The following IQANK1 variants were observed in gnomAD, a reference collection of about 807,000 sequenced individuals.
IQANK1 encodes IQ motif and ankyrin repeat domain-containing protein 1.
Under a neutral mutation model 22.6 loss-of-function variants are expected in IQANK1, and 30 were observed. That is an observed-to-expected ratio of 1.33 (90% confidence interval 0.99 to 1.80). The LOEUF (loss-of-function observed/expected upper bound fraction) is 1.80, where lower values mean the gene tolerates loss of function less well. IQANK1 is among the 40% of genes most tolerant of loss of function. The pLI is 0.00. For synonymous variants in IQANK1, 122 were observed against 99.6 expected (o/e 1.23, Z -1.34); for missense variants, 275 against 235.2 (o/e 1.17, Z -1.11).
intron 7 of IQANK1, among the ~76,000 whole-genome samples, chr8:143,778,120 A>G (rs941043980): frequency 1.2e-4 from 19 of 152,104 alleles, no homozygotes; most frequent in South Asian, 4.2e-4. Flanking sequence ...GCGTGAACCC[A>G]GGAGGCGGAG....
chr8:143,769,475 G>A (rs1217867944), intron 3 of IQANK1, among the ~76,000 whole-genome samples: 2 of 152,274 alleles, frequency 1.3e-5, no homozygotes. Flanking sequence ...GGGATTACAA[G>A]GCCACTGCGC....
intron 7 of IQANK1, among the ~76,000 whole-genome samples, chr8:143,775,824 C>CACACACACA (rs1554630342): frequency 2.1e-5 from 2 of 93,230 alleles, no homozygotes; most frequent in Non-Finnish European, 3.7e-5. Context: ...ACACACACAC[C>CACACACACA]ATTCCTAAAC....
chr8:143,751,664 G>GTGTGTGTGTGTATATATATATATATATA (rs370428606), intron 3 of IQANK1, among the ~76,000 whole-genome samples: 1 of 61,548 alleles, frequency 1.6e-5, no homozygotes, highest in Non-Finnish European at 3.7e-5. Flanking sequence ...GTGTGTGTGT[G>GTGTGTGTGTGTATATATATATATATATA]TATATATATA....
At chr8:143,785,650 C>T (rs1457882861) in intron 7 of IQANK1, among the ~76,000 whole-genome samples, 1 of 152,040 alleles carries the variant, frequency 6.6e-6, no homozygotes, top group African/African-American at 2.4e-5. Context: ...GCCTTGACCC[C>T]CTGGGTTCAA....
At chr8:143,769,451 C>A (rs1258536585) in intron 3 of IQANK1, among the ~76,000 whole-genome samples, 1 of 152,182 alleles carries the variant, frequency 6.6e-6, no homozygotes, top group African/African-American at 2.4e-5. Flanking sequence ...CCCATCTCAG[C>A]CTCCCAATGT....
chr8:143,743,847 T>A, intron 3 of IQANK1: 2 of 340,600 alleles, frequency 5.9e-6, no homozygotes, highest in South Asian at 2.3e-5. Context: ...ATTCTTTTTC[T>A]TTTTTTTTTG....
intron 7 of IQANK1, among the ~76,000 whole-genome samples, chr8:143,786,809 G>A (rs964021404): frequency 1.3e-5 from 2 of 152,192 alleles, no homozygotes; most frequent in African/African-American, 4.8e-5. Context: ...GGAGGGGAGG[G>A]AATGAGGGCT....
intron 3 of IQANK1, among the ~76,000 whole-genome samples, chr8:143,750,968 T>TGTGTGTGTG (rs560433368): frequency 8.8e-5 from 10 of 113,076 alleles, no homozygotes; most frequent in African/African-American, 2.7e-4. Context: ...GTGTGTGTGT[T>TGTGTGTGTG]TTTTTGTAGT....
intron 3 of IQANK1, chr8:143,744,071 A>G: frequency 4.0e-6 from 1 of 247,880 alleles, no homozygotes; most frequent in Non-Finnish European, 8.1e-6. Context: ...TGACCTTGTG[A>G]TCCGCCCGTC....
intron 7 of IQANK1, among the ~76,000 whole-genome samples, chr8:143,781,932 A>T (rs368703415): frequency 3.3e-5 from 5 of 152,146 alleles, no homozygotes; most frequent in African/African-American, 1.2e-4. Flanking sequence ...AATGGTATTG[A>T]TTCTTCCTAT....
rs1482352173 is a variant in IQANK1 at position 143,772,392 on chromosome 8, C to CT, written c.702dup (p.Gly235TrpfsTer28). 2 of 399,304 alleles carry CT rather than the reference C, an allele frequency of 5.0e-6. No individual in the cohort carries two copies. The highest frequency in any genetic ancestry group is 8.8e-6 in the Non-Finnish European group (2 of 226,408). The allele number at this position is 399,304 out of a possible 1,614,324, so 24.7% of individuals were successfully genotyped here. ...GTCCGACGCCGCTGTACCGTGCAGC[C>CT]TTTGGGGGCCACCTGGCAGCTGTGG... On this transcript the variant is annotated frameshift_variant, in exon 7 of 14. Coordinates refer to ENST00000527139, the MANE Select transcript of IQANK1 (RefSeq NM_001381874.1). LOFTEE classifies it high-confidence loss of function.
intron 3 of IQANK1, among the ~76,000 whole-genome samples, chr8:143,740,880 C>G (rs1451900241): frequency 1.3e-5 from 2 of 152,220 alleles, no homozygotes; most frequent in Non-Finnish European, 2.9e-5. Flanking sequence ...TGCGGGAGCA[C>G]CTCCGCGGAA....
intron 7 of IQANK1, among the ~76,000 whole-genome samples, chr8:143,773,576 G>A (rs543287735): frequency 6.6e-6 from 1 of 152,180 alleles, no homozygotes; most frequent in Non-Finnish European, 1.5e-5. Context: ...CACAAATCTG[G>A]AGGTGCTGCC....
chr8:143,772,087 C>A lies in IQANK1; in HGVS notation c.507C>A (p.His169Gln). 1 of 396,386 alleles carries A rather than the reference C, an allele frequency of 2.5e-6. No individual in the cohort carries two copies. The highest frequency in any genetic ancestry group is 2.1e-5 in the African/African-American group (1 of 48,574). 24.6% of individuals were successfully genotyped at this position (396,386 alleles called of 1,614,324 possible). Residue 169 changes from histidine to glutamine, a missense_variant, in exon 6 of 14, where the codon CAC becomes CAA. Coordinates refer to ENST00000527139, the MANE Select transcript of IQANK1 (RefSeq NM_001381874.1). ...EQLLTREGVG[H>Q]DEAGEARRLQ... ...TGCTGACGCGCGAGGGCGTGGGCCA[C>A]GACGAGGCAGGCGAGGCGCGGCGGC...
intron 3 of IQANK1, chr8:143,743,791 C>T (rs1818971442): frequency 2.5e-6 from 1 of 393,570 alleles, no homozygotes; most frequent in Non-Finnish European, 4.9e-6. Flanking sequence ...AGATCAGAAA[C>T]ATTAGTTTCA....
At chr8:143,749,598 TA>T (rs1819148325) in intron 3 of IQANK1, among the ~76,000 whole-genome samples, 1 of 140,986 alleles carries the variant, frequency 7.1e-6, no homozygotes, top group African/African-American at 2.6e-5. Flanking sequence ...TTTATTTATT[TA>T]TTTTTTTTTT....
At chr8:143,751,680 A>AT (rs1819197172) in intron 3 of IQANK1, among the ~76,000 whole-genome samples, 1 of 141,890 alleles carries the variant, frequency 7.0e-6, no homozygotes, top group Admixed American at 7.3e-5. Flanking sequence ...ATATATATAA[A>AT]ATCCTATACA....
chr8:143,756,551 C>A (rs1376977980), intron 3 of IQANK1, among the ~76,000 whole-genome samples: 1 of 152,042 alleles, frequency 6.6e-6, no homozygotes, highest in Non-Finnish European at 1.5e-5. Flanking sequence ...GTACACACGC[C>A]CAACCTCGTG....
intron 7 of IQANK1, among the ~76,000 whole-genome samples, chr8:143,785,416 C>G (rs1312673323): frequency 4.0e-5 from 6 of 151,752 alleles, no homozygotes; most frequent in Non-Finnish European, 8.8e-5. Flanking sequence ...AGCACCACAT[C>G]AGCTCATTTT....
Sources: allele counts gnomAD v4.1 joint callset (sites outside exome capture counted in the v4.1 genomes callset), GRCh38; gene constraint gnomAD v4.1.1; transcripts MANE v1.5; gene names NCBI Gene and HGNC (gene_info 2026-07-23, HGNC 2026-07-21).